The following AMPH variants were observed in gnomAD, a reference collection of about 807,000 sequenced individuals.
AMPH encodes amphiphysin, also known as amphiphysin (Stiff-Mann syndrome with breast cancer 128kD autoantigen).
AMPH carries 49 observed loss-of-function variants against 99.1 expected under a neutral mutation model. That is an observed-to-expected ratio of 0.49 (90% confidence interval 0.39 to 0.63). The LOEUF is 0.63. AMPH is among the 20% of genes least tolerant of loss of function. AMPH has a pLI of 0.00. For missense variants in AMPH, 759 were observed against 863.4 expected, an observed-to-expected ratio of 0.88 and a Z score of 1.52; for synonymous variants, 314 against 317.3, an observed-to-expected ratio of 0.99 and a Z score of 0.11.
At chr7:38,391,109 C>A (rs554004322) in intron 19 of AMPH, among the ~76,000 whole-genome samples, 1 of 152,146 alleles carries the variant, frequency 6.6e-6, no homozygotes, top group Admixed American at 6.5e-5. Flanking sequence ...CAGATTCTAT[C>A]AGGAAACATC....
intron 18 of AMPH, 52 bp from the exon 19 acceptor site, chr7:38,392,069 C>G (rs1562722331): frequency 6.3e-7 from 1 of 1,575,678 alleles, no homozygotes; most frequent in African/African-American, 1.3e-5. Flanking sequence ...AAAACAGAAC[C>G]TCCTTGTCCT....
At chr7:38,494,371 C>T (rs770873410) in intron 4 of AMPH, 62 bp downstream of exon 4, 214 of 1,376,942 alleles carry the variant, frequency 1.6e-4, no homozygotes, top group Non-Finnish European at 2.1e-4. Flanking sequence ...AAGAGCAAGT[C>T]AGGGGACAGG....
At chr7:38,433,839 T>A (rs1332181258) in intron 12 of AMPH, among the ~76,000 whole-genome samples, 1 of 151,830 alleles carries the variant, frequency 6.6e-6, no homozygotes, top group African/African-American at 2.4e-5. Flanking sequence ...ATATGAAATG[T>A]CATGTTTATC....
At chr7:38,571,372 ATTT>A (rs1475974094) in intron 1 of AMPH, among the ~76,000 whole-genome samples, 3 of 76,462 alleles carry the variant, frequency 3.9e-5, no homozygotes, top group African/African-American at 1.2e-4. Flanking sequence ...GAATATATAT[ATTT>A]TTATATATTT....
chr7:38,459,576 A>G (rs772592132), intron 11 of AMPH, among the ~76,000 whole-genome samples: 2 of 152,078 alleles, frequency 1.3e-5, no homozygotes, highest in Non-Finnish European at 2.9e-5. Context: ...CAGTAAAGGT[A>G]TCAAGAACAT....
chr7:38,557,801 C>T (rs1038793529), intron 1 of AMPH, among the ~76,000 whole-genome samples: 1 of 151,990 alleles, frequency 6.6e-6, no homozygotes. Flanking sequence ...AGTAATTCAT[C>T]CCAGCACTTT....
intron 5 of AMPH, among the ~76,000 whole-genome samples, chr7:38,486,298 A>C (rs1008202265): frequency 6.6e-6 from 1 of 151,906 alleles, no homozygotes; most frequent in Admixed American, 6.6e-5. Context: ...TTAAGAGACT[A>C]ATATGAACAG....
At chr7:38,463,979 C>T (rs1026537552) in intron 9 of AMPH, 58 of 1,095,826 alleles carry the variant, frequency 5.3e-5, no homozygotes, top group Non-Finnish European at 6.1e-5. Context: ...GGTCCTTTAG[C>T]GAGAACACAG....
At chr7:38,436,785 G>A (rs1786282716) in intron 11 of AMPH, among the ~76,000 whole-genome samples, 1 of 152,172 alleles carries the variant, frequency 6.6e-6, no homozygotes, top group Non-Finnish European at 1.5e-5. Context: ...CCAAGATCTG[G>A]ACTCATTATA....
chr7:38,489,291 T>C (rs1339956582), intron 5 of AMPH, among the ~76,000 whole-genome samples: 1 of 151,874 alleles, frequency 6.6e-6, no homozygotes, highest in Non-Finnish European at 1.5e-5. Context: ...GATATTTACA[T>C]GCCAAAAAAT....
At chr7:38,589,262 G>T (rs1792771007) in intron 1 of AMPH, among the ~76,000 whole-genome samples, 1 of 152,148 alleles carries the variant, frequency 6.6e-6, no homozygotes, top group Non-Finnish European at 1.5e-5. Flanking sequence ...AAATGAATAT[G>T]GTCAACACTC....
Position 38,554,774 on chromosome 7 carries a change from C to T in AMPH, c.70-19763G>A, listed in dbSNP as rs540804199. On this transcript the variant is annotated intron_variant, in intron 1 of 20. Transcript: ENST00000356264. ...AATAAAATGGTGTGGGAGGCTTTAG[C>T]CCAGAGGGCATCTTCCACTGTTTTG... Among the ~76,000 whole-genome samples, 7 of 152,186 alleles carry T rather than the reference C, an allele frequency of 4.6e-5. No homozygotes were observed. The East Asian group carries it at 7.7e-4, about 17-fold the overall frequency.
chr7:38,430,029 C>A, intron 13 of AMPH, 164 bp from the exon 14 acceptor site: 1 of 620,128 alleles, frequency 1.6e-6, no homozygotes, highest in Non-Finnish European at 2.6e-6. Flanking sequence ...ATTTTTGTTC[C>A]AAAATTGTTT....
chr7:38,620,336 A>G (rs868848281), intron 1 of AMPH, among the ~76,000 whole-genome samples: 93 of 145,736 alleles, frequency 6.4e-4, no homozygotes, highest in African/African-American at 1.2e-3. Context: ...AGATATATAT[A>G]TGTGTGTGTG....
At position 38,463,085 on chromosome 7, in the gene AMPH, T is replaced by C; in HGVS notation, c.778A>G (p.Thr260Ala). The change falls in exon 10 of 21, where the codon ACA becomes GCA. Residue 260 changes from threonine to alanine, a missense_variant. By Grantham distance (58) the Thr-to-Ala change is moderately conservative. This residue lies in a region of AMPH where 554 missense variants were observed against 575.6 expected (regional missense o/e 0.96). Coordinates refer to ENST00000356264, the MANE Select transcript of AMPH (RefSeq NM_001635.4). Reference protein sequence around the residue: ...SDSGPLRIAKTPSPPEEPSPL... With the variant: ...SDSGPLRIAKAPSPPEEPSPL... Reference sequence around the variant, plus strand: ...GAAGGCTCCTCAGGCGGTGATGGTGTCTTTGCAATGCGGAGAGGACCCGAA... The same window carrying C: ...GAAGGCTCCTCAGGCGGTGATGGTGCCTTTGCAATGCGGAGAGGACCCGAA... The C allele has an allele frequency of 1.2e-6, 2 of 1,613,086 alleles. No homozygotes were observed. Among genetic ancestry groups the C allele is most frequent in the Non-Finnish European group, 1.7e-6 (2 of 1,179,406 alleles).
At chr7:38,409,946 T>A (rs1270218864) in intron 17 of AMPH, among the ~76,000 whole-genome samples, 1 of 152,248 alleles carries the variant, frequency 6.6e-6, no homozygotes, top group African/African-American at 2.4e-5. Flanking sequence ...AGGGGACTTA[T>A]CTTTTAATGC....
At chr7:38,392,156 G>T (rs1784520762) in intron 18 of AMPH, 139 bp from the exon 19 acceptor site, 3 of 814,488 alleles carry the variant, frequency 3.7e-6, no homozygotes, top group Non-Finnish European at 5.7e-6. Flanking sequence ...ACTCAGGTCT[G>T]GGCCTTCCGC....
chr7:38,512,941 C>A (rs1226773933), intron 2 of AMPH, among the ~76,000 whole-genome samples: 1 of 152,144 alleles, frequency 6.6e-6, no homozygotes, highest in African/African-American at 2.4e-5. Flanking sequence ...GGCAGACTTA[C>A]TTGCCAGTGA....
intron 1 of AMPH, among the ~76,000 whole-genome samples, chr7:38,553,707 A>T (rs951753934): frequency 2.0e-5 from 3 of 152,228 alleles, no homozygotes; most frequent in African/African-American, 7.2e-5. Flanking sequence ...TATTGCCAAA[A>T]TTTGATTTCT....
Sources: gnomAD v4.1 joint callset for allele counts (sites outside exome capture counted in the v4.1 genomes callset) on GRCh38, gnomAD v4.1.1 for gene constraint, gnomAD v4.1.1 regional missense constraint, MANE v1.5 for transcripts, NCBI Gene and HGNC (gene_info 2026-07-23, HGNC 2026-07-21) for gene names.